ADGB: variants seen among roughly 807,000 people sequenced by gnomAD.
ADGB encodes androglobin.
A neutral mutation model predicts 210.5 loss-of-function variants in ADGB; 172 were observed. That is an observed-to-expected ratio of 0.82 (90% confidence interval 0.72 to 0.93). ADGB has a LOEUF of 0.93. ADGB is among the 40% of genes least tolerant of loss of function. ADGB has a pLI of 0.00. For synonymous variants in ADGB, 658 were observed against 662.7 expected (o/e 0.99, Z 0.11); for missense variants, 2,025 against 1,964.8 (o/e 1.03, Z -0.58).
At chr6:146,649,936 A>G (rs1775676347) in intron 3 of ADGB, among the ~76,000 whole-genome samples, 2 of 152,236 alleles carry the variant, frequency 1.3e-5, no homozygotes, top group African/African-American at 4.8e-5. Flanking sequence ...CACAATACAC[A>G]TACATATACC....
chr6:146,608,435 T>TG (rs998559685), intron 1 of ADGB, among the ~76,000 whole-genome samples: 1 of 152,174 alleles, frequency 6.6e-6, no homozygotes, highest in Non-Finnish European at 1.5e-5. Context: ...GGTTTGCTAT[T>TG]GTTTTTCTGG....
chr6:146,618,930 C>T (rs932244881), intron 1 of ADGB, among the ~76,000 whole-genome samples: 1 of 152,038 alleles, frequency 6.6e-6, no homozygotes, highest in Middle Eastern at 3.4e-3. Flanking sequence ...ATCATCTGTC[C>T]AATGCTGAAA....
intron 33 of ADGB, among the ~76,000 whole-genome samples, chr6:146,797,483 A>G (rs1778062470): frequency 6.6e-6 from 1 of 152,134 alleles, no homozygotes; most frequent in Non-Finnish European, 1.5e-5. Context: ...CCATCAACCA[A>G]AAAGTAGATA....
chr6:146,807,541 C>T (rs1272928929), intron 35 of ADGB: 4 of 1,550,528 alleles, frequency 2.6e-6, no homozygotes, highest in Non-Finnish European at 2.6e-6. Context: ...GAAAAGATGA[C>T]CCCAGCTCCT....
intron 8 of ADGB, among the ~76,000 whole-genome samples, chr6:146,675,256 C>T (rs943557347): frequency 6.6e-6 from 1 of 151,842 alleles, no homozygotes; most frequent in African/African-American, 2.4e-5. Flanking sequence ...GAGTTCAAGA[C>T]CAGCCTGGAC....
intron 35 of ADGB, chr6:146,803,094 T>C (rs572968835): frequency 6.6e-7 from 1 of 1,525,364 alleles, no homozygotes; most frequent in African/African-American, 1.4e-5. Context: ...TTTTTCTTCC[T>C]GTAAACAATT....
intron 22 of ADGB, among the ~76,000 whole-genome samples, chr6:146,734,930 C>CA (rs1777057480): frequency 6.6e-6 from 1 of 151,718 alleles, no homozygotes; most frequent in African/African-American, 2.4e-5. Flanking sequence ...AAACAAAAAA[C>CA]AAAAAATATA....
chr6:146,669,088 C>T (rs1232489740), intron 7 of ADGB, among the ~76,000 whole-genome samples: 1 of 152,072 alleles, frequency 6.6e-6, no homozygotes, highest in African/African-American at 2.4e-5. Context: ...AAGGTCTGTT[C>T]CTATCCTGAC....
chr6:146,627,769 C>G (rs1223836075), intron 1 of ADGB, among the ~76,000 whole-genome samples: 8 of 152,040 alleles, frequency 5.3e-5, no homozygotes, highest in African/African-American at 1.9e-4. Context: ...TTTTTAGGAT[C>G]CTGTCCTTGA....
intron 29 of ADGB, among the ~76,000 whole-genome samples, chr6:146,771,356 A>C (rs1230944523): frequency 6.6e-6 from 1 of 151,652 alleles, no homozygotes; most frequent in Non-Finnish European, 1.5e-5. Flanking sequence ...ACCCACACCC[A>C]CCAAGTTCTA....
intron 30 of ADGB, 82 bp downstream of exon 30, chr6:146,782,274 C>A: frequency 3.1e-6 from 4 of 1,301,876 alleles, no homozygotes; most frequent in Non-Finnish European, 4.1e-6. Flanking sequence ...CGTCTGAGGA[C>A]AAAACCGTGA....
At chr6:146,779,075 A>AC (rs1322466984) in intron 29 of ADGB, among the ~76,000 whole-genome samples, 2 of 152,032 alleles carry the variant, frequency 1.3e-5, no homozygotes, top group Non-Finnish European at 1.5e-5. Context: ...AAAAAAAAAA[A>AC]AAACAGCCAA....
intron 35 of ADGB, among the ~76,000 whole-genome samples, chr6:146,806,362 T>A (rs1257141741): frequency 6.6e-6 from 1 of 152,190 alleles, no homozygotes; most frequent in Non-Finnish European, 1.5e-5. Context: ...GGATTACTGA[T>A]GTATATTAAA....
chr6:146,688,073 G>A (rs1562274561), intron 10 of ADGB, among the ~76,000 whole-genome samples: 2 of 151,952 alleles, frequency 1.3e-5, no homozygotes, highest in Non-Finnish European at 2.9e-5. Flanking sequence ...ACTATTATAC[G>A]CTAAACAATA....
chr6:146,651,839 A>G (rs1309889059), intron 3 of ADGB, among the ~76,000 whole-genome samples: 2 of 152,252 alleles, frequency 1.3e-5, no homozygotes, highest in African/African-American at 4.8e-5. Context: ...AGTATATTTT[A>G]TGGCTAACAG....
intron 13 of ADGB, 81 bp downstream of exon 13, chr6:146,701,151 T>C (rs968310318): frequency 1.0e-5 from 14 of 1,404,800 alleles, no homozygotes; most frequent in Non-Finnish European, 1.4e-5. Flanking sequence ...ATACTATACA[T>C]ACAAAAGAAT....
chr6:146,671,608 C>T lies in ADGB; in HGVS notation c.840-612C>T, dbSNP rs551448649. Reference sequence around the variant, plus strand: ...GAACTAATGATTTAGAGGTGACACACATTTATGGATAAACTCAAAATATGA... The same window carrying T: ...GAACTAATGATTTAGAGGTGACACATATTTATGGATAAACTCAAAATATGA... On this transcript the variant is annotated intron_variant, in intron 7 of 35. Transcript: ENST00000397944. 1.2e-3 allele frequency among the ~76,000 whole-genome samples: 186 copies of T among 152,050 alleles called. 4 individuals carry two copies. Among genetic ancestry groups the T allele is most frequent in the Non-Finnish European group, 3.4e-4 (23 of 68,008 alleles).
intron 7 of ADGB, among the ~76,000 whole-genome samples, chr6:146,667,798 ATAT>A (rs1775957203): frequency 6.6e-6 from 1 of 152,038 alleles, no homozygotes; most frequent in Non-Finnish European, 1.5e-5. Context: ...GTATTTTAGT[ATAT>A]TACTTCTCGT....
chr6:146,726,331 C>A, intron 19 of ADGB, 134 bp downstream of exon 19: 1 of 543,308 alleles, frequency 1.8e-6, no homozygotes, highest in Non-Finnish European at 3.3e-6. Flanking sequence ...AAGCAATTCT[C>A]CTTGCCTCAG....
Sources: gnomAD v4.1 joint callset for allele counts (sites outside exome capture counted in the v4.1 genomes callset) on GRCh38, gnomAD v4.1.1 for gene constraint, MANE v1.5 for transcripts, NCBI Gene and HGNC (gene_info 2026-07-23, HGNC 2026-07-21) for gene names.